Variants in CMSS1 observed in about 807,000 individuals in gnomAD.
CMSS1 encodes cms1 ribosomal small subunit homolog.
In CMSS1, 33 loss-of-function variants were observed where a neutral mutation model predicts 43.5. That is an observed-to-expected ratio of 0.76 (90% CI 0.57 to 1.01). The LOEUF is 1.01. Ranked by LOEUF, CMSS1 falls within the 50% of genes least tolerant of loss-of-function variation. The pLI is 0.00. For missense variants in CMSS1, 313 were observed against 326.4 expected (o/e 0.96, Z 0.32); for synonymous variants, 115 against 117.2 (o/e 0.98, Z 0.12).
At chr3:99,897,387 G>C (rs1706292699) in intron 1 of CMSS1, among the ~76,000 whole-genome samples, 1 of 151,872 alleles carries the variant, frequency 6.6e-6, no homozygotes, top group South Asian at 2.1e-4. Context: ...AAAAAAGTTG[G>C]CTTACTTGTT....
intron 1 of CMSS1, among the ~76,000 whole-genome samples, chr3:99,972,616 C>T (rs1273367830): frequency 2.6e-5 from 4 of 152,126 alleles, no homozygotes; most frequent in Admixed American, 1.3e-4. Context: ...TGGGCTGTCG[C>T]GAGAGCTTTC....
intron 1 of CMSS1, among the ~76,000 whole-genome samples, chr3:100,117,449 G>GA (rs2066580432): frequency 1.3e-5 from 2 of 151,682 alleles, no homozygotes; most frequent in Admixed American, 6.6e-5. Flanking sequence ...GGCTATATGA[G>GA]AAAAAAATAA....
At chr3:100,168,687 G>A (rs1007827593) in intron 6 of CMSS1, among the ~76,000 whole-genome samples, 45 of 151,590 alleles carry the variant, frequency 3.0e-4, no homozygotes, top group Admixed American at 1.4e-3. Flanking sequence ...GTTTTACTCA[G>A]GGTAGCCTTC....
At chr3:100,117,870 T>TACAC (rs1189840510) in intron 1 of CMSS1, among the ~76,000 whole-genome samples, 2 of 140,530 alleles carry the variant, frequency 1.4e-5, no homozygotes, top group African/African-American at 2.7e-5. Flanking sequence ...TATATATATA[T>TACAC]ATATATATAC....
intron 1 of CMSS1, among the ~76,000 whole-genome samples, chr3:99,852,737 C>A (rs1943764947): frequency 6.6e-6 from 1 of 152,086 alleles, no homozygotes; most frequent in Admixed American, 6.6e-5. Flanking sequence ...AGCCACCGTG[C>A]CGGCTGAGAG....
At chr3:99,848,270 G>A (rs374214004) in intron 1 of CMSS1, 170 of 1,612,004 alleles carry the variant, frequency 1.1e-4, no homozygotes, top group Non-Finnish European at 1.3e-4. Flanking sequence ...GAGGGTGAGC[G>A]TGGTCAGTTA....
chr3:99,997,311 C>T (rs1345886467), intron 1 of CMSS1, among the ~76,000 whole-genome samples: 1 of 152,132 alleles, frequency 6.6e-6, no homozygotes, highest in African/African-American at 2.4e-5. Flanking sequence ...TAAAAGATCA[C>T]CAGAGACTAT....
At chr3:99,934,446 A>G (rs1358679267) in intron 1 of CMSS1, among the ~76,000 whole-genome samples, 4 of 152,140 alleles carry the variant, frequency 2.6e-5, no homozygotes, top group African/African-American at 4.8e-5. Flanking sequence ...TTCATTTTAC[A>G]TGATGAATTC....
intron 2 of CMSS1, 50 bp downstream of exon 2, chr3:100,147,111 C>A (rs972758178): frequency 1.2e-6 from 2 of 1,602,896 alleles, no homozygotes; most frequent in Non-Finnish European, 8.5e-7. Flanking sequence ...TGAAATCAGC[C>A]TTTTCCTCCT....
chr3:100,092,690 T>C, intron 1 of CMSS1, among the ~76,000 whole-genome samples: 1 of 148,358 alleles, frequency 6.7e-6, no homozygotes, highest in East Asian at 2.0e-4. Flanking sequence ...ATTGCTATTA[T>C]TATTTTAGGT....
At chr3:100,142,793 A>C (rs558461126) in intron 1 of CMSS1, among the ~76,000 whole-genome samples, 12 of 152,230 alleles carry the variant, frequency 7.9e-5, no homozygotes, top group Non-Finnish European at 1.3e-4. Context: ...AATGCTTTAC[A>C]TAGAGAATAT....
chr3:100,088,504 A>G (rs972354138), intron 1 of CMSS1, among the ~76,000 whole-genome samples: 6 of 152,220 alleles, frequency 3.9e-5, no homozygotes, highest in South Asian at 4.1e-4. Context: ...CAAAATCTTT[A>G]TATTTGTAGG....
intron 1 of CMSS1, among the ~76,000 whole-genome samples, chr3:99,818,952 T>A (rs1942378573): frequency 6.6e-6 from 1 of 152,208 alleles, no homozygotes; most frequent in African/African-American, 2.4e-5. Context: ...TTTTTATCAC[T>A]CCTCAAGGTC....
At chr3:100,020,977 A>G (rs955241727) in intron 1 of CMSS1, among the ~76,000 whole-genome samples, 1 of 152,178 alleles carries the variant, frequency 6.6e-6, no homozygotes, top group African/African-American at 2.4e-5. Flanking sequence ...CATGTTGGCC[A>G]GATGGTCCTG....
At position 99,944,598 on chromosome 3, in the gene CMSS1, C is replaced by T. The variant is rs150701778; in HGVS notation, c.64+126555C>T. 1.9e-3 allele frequency among the ~76,000 whole-genome samples: 287 copies of T among 152,260 alleles called. 1 individual carries two copies. The highest frequency in any genetic ancestry group is 6.5e-3 in the African/African-American group (271 of 41,552). ...TCTGCACTTTATGGGTTAAAGTAAC[C>T]GAAACCTAAAGAGGTTAAGTTAATC... On this transcript the variant is annotated intron_variant, in intron 1 of 9. Transcript: ENST00000421999.
chr3:99,831,744 C>CCT (rs778071765), intron 1 of CMSS1, among the ~76,000 whole-genome samples: 6 of 152,310 alleles, frequency 3.9e-5, no homozygotes, highest in Non-Finnish European at 7.4e-5. Context: ...GAATCTTACT[C>CCT]CTATGCATTG....
intron 8 of CMSS1, among the ~76,000 whole-genome samples, 197 bp downstream of exon 8, chr3:100,172,600 T>G (rs2067120076): frequency 6.6e-6 from 1 of 152,194 alleles, no homozygotes; most frequent in Non-Finnish European, 1.5e-5. Flanking sequence ...TGTGGCAAAC[T>G]GAAGTACGTG....
At chr3:99,983,389 A>AATAAATAAATAAATATAT (rs1302972402) in intron 1 of CMSS1, among the ~76,000 whole-genome samples, 1 of 40,788 alleles carries the variant, frequency 2.5e-5, no homozygotes, top group African/African-American at 1.0e-4. Context: ...TAAATAAATA[A>AATAAATAAATAAATATAT]ATATATATAT....
intron 1 of CMSS1, among the ~76,000 whole-genome samples, chr3:99,972,090 C>G (rs1347574625): frequency 6.6e-6 from 1 of 152,124 alleles, no homozygotes; most frequent in African/African-American, 2.4e-5. Context: ...TGAGAGGAAC[C>G]TGGTTCTGAC....
Sources: allele counts gnomAD v4.1 joint callset (sites outside exome capture counted in the v4.1 genomes callset), GRCh38; gene constraint gnomAD v4.1.1; transcripts MANE v1.5; gene names NCBI Gene and HGNC (gene_info 2026-07-23, HGNC 2026-07-21).